NAA15: variants seen among roughly 807,000 people sequenced by gnomAD.
The protein encoded by NAA15 is N-terminal acetyltransferase.
NAA15 carries 34 observed loss-of-function variants against 114.0 expected under a neutral mutation model. The ratio of observed to expected loss-of-function variants is 0.30; its 90% CI spans 0.23 to 0.40. NAA15 has a LOEUF of 0.40. NAA15 is among the 10% of genes least tolerant of loss of function. The pLI, the probability that NAA15 is intolerant of heterozygous loss-of-function variation, is 1.00. For synonymous variants in NAA15, 340 were observed against 338.0 expected (o/e 1.01, Z -0.06); for missense variants, 658 against 1,004.5 (o/e 0.66, Z 4.66).
chr4:139,324,408 T>C (rs1313037994), intron 1 of NAA15, among the ~76,000 whole-genome samples: 2 of 152,216 alleles, frequency 1.3e-5, no homozygotes, highest in East Asian at 3.8e-4. Flanking sequence ...TTCACAGTTT[T>C]GAAATTTCAA....
intron 7 of NAA15, 126 bp downstream of exon 7, chr4:139,349,707 A>C: frequency 1.0e-6 from 1 of 989,816 alleles, no homozygotes; most frequent in Non-Finnish European, 1.5e-6. Context: ...AATACAGGCC[A>C]AGCGCAGTGG....
chr4:139,376,161 A>G (rs545682171), intron 15 of NAA15, among the ~76,000 whole-genome samples: 1 of 152,134 alleles, frequency 6.6e-6, no homozygotes, highest in South Asian at 2.1e-4. Context: ...CAGCAATAAT[A>G]AAGTATCTAG....
rs189038138 is a variant in NAA15, at chr4:139,329,125, G to T, written c.55-5049G>T. ...TCAAACTCCTGGTCTCAAGTGATCT[G>T]CCCATCTTGGCTTTCCAAAGTGCTG... On this transcript the variant is annotated intron_variant, in intron 1 of 19. Coordinates refer to ENST00000296543, the MANE Select transcript of NAA15 (RefSeq NM_057175.5). Among the ~76,000 whole-genome samples the T allele has an allele frequency of 3.4e-5, 5 of 148,508 alleles. No individual in the cohort carries two copies. In the East Asian group the frequency reaches 9.9e-4, roughly 29 times the overall value.
intron 10 of NAA15, among the ~76,000 whole-genome samples, chr4:139,354,408 C>G (rs1416199975): frequency 6.6e-6 from 1 of 152,114 alleles, no homozygotes; most frequent in East Asian, 1.9e-4. Context: ...AAGTGATCCT[C>G]CTGCCTCTGT....
chr4:139,362,089 C>G, intron 14 of NAA15, 152 bp downstream of exon 14: 1 of 472,150 alleles, frequency 2.1e-6, no homozygotes, highest in Non-Finnish European at 3.6e-6. Context: ...AAAATGTTTA[C>G]TTTTATGCTT....
chr4:139,346,790 G>A (rs761684152), intron 6 of NAA15, among the ~76,000 whole-genome samples: 1 of 151,930 alleles, frequency 6.6e-6, no homozygotes, highest in Non-Finnish European at 1.5e-5. Flanking sequence ...CAAAGTGCTG[G>A]GATTATAGGC....
At chr4:139,314,993 CAGTTCAGTTTAGTTT>C (rs1378473296) in intron 1 of NAA15, among the ~76,000 whole-genome samples, 19 of 17,406 alleles carry the variant, frequency 1.1e-3, no homozygotes, top group African/African-American at 5.6e-3. Context: ...GCGTTCAGTT[CAGTTCAGTTTAGTTT>C]AGGTTAGGTT....
At chr4:139,334,736 A>G (rs570856709) in intron 2 of NAA15, among the ~76,000 whole-genome samples, 3 of 152,280 alleles carry the variant, frequency 2.0e-5, no homozygotes, top group South Asian at 2.1e-4. Flanking sequence ...GGATGGTGAG[A>G]TATTTGTAGA....
intron 2 of NAA15, among the ~76,000 whole-genome samples, chr4:139,335,548 T>C (rs1430403960): frequency 3.9e-5 from 6 of 151,902 alleles, no homozygotes; most frequent in African/African-American, 1.2e-4. Context: ...GTATTTTTAG[T>C]AGAGATGAGG....
At chr4:139,318,922 G>A (rs937041258) in intron 1 of NAA15, among the ~76,000 whole-genome samples, 1 of 151,774 alleles carries the variant, frequency 6.6e-6, no homozygotes, top group African/African-American at 2.4e-5. Flanking sequence ...TTGAATAAAA[G>A]AAAACAGAAT....
rs751391700 is a variant in NAA15 at position 139,387,942 on chromosome 4, C to T, written c.2459C>T (p.Ala820Val). The change falls in exon 20 of 20, where the codon GCT (alanine) becomes GTT (valine). Residue 820 changes from alanine (A) to valine (V), a missense_variant. This residue lies in a region of NAA15 where 275 missense variants were observed against 371.1 expected (regional missense o/e 0.74). Coordinates refer to ENST00000296543, the MANE Select transcript of NAA15 (RefSeq NM_057175.5). The part of the protein sequence containing the change: ...YDGSLGDCKE[A>V]AEIYRANCHK... Reference sequence around the variant, plus strand: ...GGTAGCCTAGGAGACTGTAAAGAAGCTGCTGAAATTTATAGAGCAAATTGT... The same window carrying T: ...GGTAGCCTAGGAGACTGTAAAGAAGTTGCTGAAATTTATAGAGCAAATTGT... The T allele has an allele frequency of 1.1e-5, 18 of 1,613,960 alleles. No homozygotes were observed. The highest frequency in any genetic ancestry group is 1.4e-5 in the Non-Finnish European group (17 of 1,179,942).
chr4:139,313,002 A>T (rs1746269850), intron 1 of NAA15, among the ~76,000 whole-genome samples: 1 of 151,930 alleles, frequency 6.6e-6, no homozygotes, highest in Admixed American at 6.6e-5. Context: ...CTACTGAAAC[A>T]CCTTGGGGAA....
chr4:139,369,279 T>G (rs1480588248), intron 14 of NAA15, among the ~76,000 whole-genome samples: 1 of 152,232 alleles, frequency 6.6e-6, no homozygotes, highest in East Asian at 1.9e-4. Context: ...TCTGAAGCCA[T>G]AGAGATATGC....
At position 139,336,847 on chromosome 4, in the gene NAA15, G is replaced by T; in HGVS notation, c.140-1G>T. ...CTTTTCTTCTTTGTTTTTGAAAATAGAAACCTTGGCTATGAAAGGATTAAC... is the reference window on the plus strand; with the variant it reads ...CTTTTCTTCTTTGTTTTTGAAAATATAAACCTTGGCTATGAAAGGATTAAC... On this transcript the variant is annotated splice_acceptor_variant, in intron 2 of 19. Transcript: ENST00000296543. LOFTEE classifies it high-confidence loss of function. 6.7e-7 allele frequency: 1 copy of T among 1,497,398 alleles called. No homozygotes were observed. Among genetic ancestry groups the T allele is most frequent in the Non-Finnish European group, 8.9e-7 (1 of 1,124,040 alleles). 92.8% of individuals were successfully genotyped at this position (1,497,398 alleles called of 1,614,324 possible). A position where few individuals can be genotyped will look rare whatever the true frequency, so the allele number is the denominator to read the frequency against.
At chr4:139,326,909 A>AT (rs1285980807) in intron 1 of NAA15, among the ~76,000 whole-genome samples, 1 of 151,874 alleles carries the variant, frequency 6.6e-6, no homozygotes, top group Non-Finnish European at 1.5e-5. Flanking sequence ...TGTCGTTTTA[A>AT]TTTTTTTTAA....
chr4:139,342,780 G>C (rs1442171940), intron 4 of NAA15, 46 bp from the exon 5 acceptor site: 1 of 1,580,488 alleles, frequency 6.3e-7, no homozygotes, highest in Non-Finnish European at 8.6e-7. Context: ...AGCACTTGCT[G>C]TTACTAAAAG....
chr4:139,326,997 G>T (rs1235236537), intron 1 of NAA15, among the ~76,000 whole-genome samples: 1 of 151,954 alleles, frequency 6.6e-6, no homozygotes, highest in African/African-American at 2.4e-5. Context: ...GTGCAGTGGT[G>T]TGACCATAGT....
In NAA15 at chr4:139,357,487, A is replaced by G. The variant is rs760212790; in HGVS notation, c.1189A>G (p.Ile397Val). The change falls in exon 11 of 20, where the codon ATA (isoleucine) becomes GTA (valine). Residue 397 changes from isoleucine to valine, a missense_variant. By Grantham distance (29) the Ile-to-Val change is conservative. This residue lies in a region of NAA15 where 281 missense variants were observed against 389.1 expected (regional missense o/e 0.72). Transcript: ENST00000296543. Reference sequence around the variant, plus strand: ...TCAGCCATCTATTGCTTTGGAGTACATAAATACTGCTATTGAAAGTACACC... The same window carrying G: ...TCAGCCATCTATTGCTTTGGAGTACGTAAATACTGCTATTGAAAGTACACC... ...IGQPSIALEY[I>V]NTAIESTPTL... The G allele has an allele frequency of 1.1e-5, 17 of 1,612,768 alleles. No homozygotes were observed. Among genetic ancestry groups the G allele is most frequent in the Non-Finnish European group, 1.4e-5 (16 of 1,178,908 alleles).
At chr4:139,357,311 C>A in intron 10 of NAA15, 75 bp from the exon 11 acceptor site, 2 of 1,265,692 alleles carry the variant, frequency 1.6e-6, no homozygotes, top group Non-Finnish European at 2.3e-6. Flanking sequence ...TGTTAATAAA[C>A]ATAGGGACCA....
Sources: allele counts gnomAD v4.1 joint callset (sites outside exome capture counted in the v4.1 genomes callset), GRCh38; gene constraint gnomAD v4.1.1; regional missense constraint gnomAD v4.1.1; transcripts MANE v1.5; gene names NCBI Gene and HGNC (gene_info 2026-07-23, HGNC 2026-07-21).